The following CAPNS1 variants were observed in gnomAD, a reference collection of about 807,000 sequenced individuals.
The protein encoded by CAPNS1 is CANP small subunit.
CAPNS1 carries 32 observed loss-of-function variants against 39.2 expected under a neutral mutation model. The ratio of observed to expected loss-of-function variants is 0.82; its 90% CI spans 0.62 to 1.10. The LOEUF (loss-of-function observed/expected upper bound fraction) is 1.10, where lower values mean the gene tolerates loss of function less well. CAPNS1 is among the 50% of genes least tolerant of loss of function. The pLI is 0.00. For missense variants in CAPNS1, 353 were observed against 373.1 expected, an observed-to-expected ratio of 0.95 and a Z score of 0.44; for synonymous variants, 153 against 136.2, an observed-to-expected ratio of 1.12 and a Z score of -0.86.
chr19:36,142,057 G>A (rs1471010417), intron 2 of CAPNS1, among the ~76,000 whole-genome samples: 2 of 152,128 alleles, frequency 1.3e-5, no homozygotes, highest in Admixed American at 6.5e-5. Context: ...CAGGAGGGGA[G>A]CCTCCCAGGG....
chr19:36,143,903 C>T (rs1974470295), intron 6 of CAPNS1, among the ~76,000 whole-genome samples: 2 of 148,012 alleles, frequency 1.4e-5, no homozygotes, highest in South Asian at 2.1e-4. Context: ...AGGCCGGGCG[C>T]CGTGGCTCAC....
At position 36,142,619 on chromosome 19, in the gene CAPNS1, C is replaced by T. The variant is rs767808433; in HGVS notation, c.244-33C>T. On this transcript the variant is annotated intron_variant, in intron 3 of 10. Transcript: ENST00000246533. ...GGGGAGCCGTCCTGGCCGGGTTCCC[C>T]TCCCCCTGCTCTGAGCTCTCCTCCC... 5.0e-6 allele frequency: 8 copies of T among 1,594,890 alleles called. No individual in the cohort carries two copies. In the East Asian group the frequency reaches 1.8e-4, roughly 36 times the overall value.
At position 36,142,350 on chromosome 19, in the gene CAPNS1, AC is replaced by A; in HGVS notation, c.243+19del. Reference sequence around the variant, plus strand: ...GAGCCCCCGGTAAGCCCCCTCTGCAACCAGACCCCCTTCTCCTGCCAAGGCC... The same window carrying A: ...GAGCCCCCGGTAAGCCCCCTCTGCAACAGACCCCCTTCTCCTGCCAAGGCC... On this transcript the variant is annotated intron_variant, in intron 3 of 10. Coordinates refer to ENST00000246533, the MANE Select transcript of CAPNS1 (RefSeq NM_001749.4). 1.4e-6 allele frequency: 2 copies of A among 1,432,696 alleles called. No individual in the cohort carries two copies. Among genetic ancestry groups the A allele is most frequent in the Non-Finnish European group, 1.9e-6 (2 of 1,046,560 alleles). 88.7% of individuals were successfully genotyped at this position (1,432,696 alleles called of 1,614,324 possible).
At chr19:36,140,885 C>T (rs1974331930) in intron 1 of CAPNS1, 112 bp from the exon 2 acceptor site, 1 of 1,528,914 alleles carries the variant, frequency 6.5e-7, no homozygotes, top group Non-Finnish European at 8.8e-7. Context: ...AACTCAGACC[C>T]CCACCCGGAG....
chr19:36,149,943 C>A lies in CAPNS1; in HGVS notation c.*104C>A. ...TGTCTGCAGTCACATCTTTGTGGGG[C>A]CTGCTGACCCACAAGCTTTTGTTCT... On this transcript the variant is annotated 3_prime_UTR_variant, in exon 11 of 11. Transcript: ENST00000246533. 9.2e-7 allele frequency: 1 copy of A among 1,082,464 alleles called. No individual in the cohort carries two copies. The highest frequency in any genetic ancestry group is 1.2e-6 in the Non-Finnish European group (1 of 803,224). 67.1% of individuals were successfully genotyped at this position (1,082,464 alleles called of 1,614,324 possible).
At chr19:36,149,455 A>G in intron 9 of CAPNS1, 123 bp from the exon 10 acceptor site, 1 of 899,690 alleles carries the variant, frequency 1.1e-6, no homozygotes, top group Non-Finnish European at 1.6e-6. Context: ...CTTGGCACAC[A>G]GTAAATACTC....
At chr19:36,142,428 T>TC in intron 3 of CAPNS1, 95 bp downstream of exon 3, 1 of 717,838 alleles carries the variant, frequency 1.4e-6, no homozygotes, top group East Asian at 2.5e-5. Flanking sequence ...TTCCTCCCCT[T>TC]CTTGTGAAAT....
At chr19:36,140,300 C>G (rs1255660119) in intron 1 of CAPNS1, 143 bp downstream of exon 1, 1 of 152,392 alleles carries the variant, frequency 6.6e-6, no homozygotes, top group Non-Finnish European at 1.5e-5. Flanking sequence ...TGTTCGATCT[C>G]CTTTTATGCC....
chr19:36,144,032 C>A (rs563479039), intron 6 of CAPNS1: 1 of 150,104 alleles, frequency 6.7e-6, no homozygotes, highest in African/African-American at 2.4e-5. Flanking sequence ...AAAAATTAGC[C>A]GGGTGCAGTG....
chr19:36,149,975 A>G lies in CAPNS1; in HGVS notation c.*136A>G. On this transcript the variant is annotated 3_prime_UTR_variant, in exon 11 of 11. Coordinates refer to ENST00000246533, the MANE Select transcript of CAPNS1 (RefSeq NM_001749.4). ...ACCCACAAGCTTTTGTTCTCTCAGT[A>G]CTTGTTACCCAGCTTCTCAACATCC... is the stretch of plus-strand genomic sequence containing the variant. 1.2e-6 allele frequency: 1 copy of G among 809,050 alleles called. No homozygotes were observed. Among genetic ancestry groups the G allele is most frequent in the Non-Finnish European group, 1.8e-6 (1 of 570,724 alleles). The allele number at this position is 809,050 out of a possible 1,614,324, so 50.1% of individuals were successfully genotyped here.
chr19:36,142,305 C>T lies in CAPNS1; in HGVS notation c.215C>T (p.Ala72Val), dbSNP rs1599876855. The T allele has an allele frequency of 6.3e-6, 10 of 1,591,842 alleles. No individual in the cohort carries two copies. Among genetic ancestry groups the T allele is most frequent in the African/African-American group, 4.1e-5 (3 of 73,744 alleles). ...LGGVISAISE[A>V]AAQYNPEPPP... ...TCCCCCTTATCTCTTCGCAGCGAGG[C>T]GGCTGCGCAGTACAACCCGGAGCCC... Residue 72 changes from alanine (A) to valine (V), a missense_variant, in exon 3 of 11, where the codon GCG (alanine) becomes GTG (valine). By Grantham distance (64) the Ala-to-Val change is moderately conservative (BLOSUM62 0). Coordinates refer to ENST00000246533, the MANE Select transcript of CAPNS1 (RefSeq NM_001749.4).
At chr19:36,143,928 C>T (rs1974471419) in intron 6 of CAPNS1, among the ~76,000 whole-genome samples, 1 of 150,466 alleles carries the variant, frequency 6.6e-6, no homozygotes, top group South Asian at 2.1e-4. Flanking sequence ...GTAATCCCAG[C>T]ACTTTGGGAG....
In CAPNS1 at chr19:36,146,064, G is replaced by A; in HGVS notation, c.604+10G>A. 6.2e-7 allele frequency: 1 copy of A among 1,613,598 alleles called. No individual in the cohort carries two copies. Among genetic ancestry groups the A allele is most frequent in the Non-Finnish European group, 8.5e-7 (1 of 1,179,562 alleles). On this transcript the variant is annotated intron_variant, in intron 8 of 10. Transcript: ENST00000246533. ...GCCTTTGAGGCAGCAGGTATGGCTG[G>A]CAGGGACATGCTGGGGCTGGGAGTG...
rs1974509281 is a variant in CAPNS1, at chr19:36,144,902, C to T, written c.457-904C>T. Among the ~76,000 whole-genome samples the T allele has an allele frequency of 3.3e-5, 5 of 152,206 alleles. No individual in the cohort carries two copies. In the South Asian group the frequency reaches 1.0e-3, roughly 31 times the overall value. On this transcript the variant is annotated intron_variant, in intron 6 of 10. Coordinates refer to ENST00000246533, the MANE Select transcript of CAPNS1 (RefSeq NM_001749.4). ...AAAAGGTTTAGCACAGTGTATAGCG[C>T]ATAGTATGTGGTCTGTACACATTAG...
chr19:36,143,044 T>C lies in CAPNS1; in HGVS notation c.392-20T>C. On this transcript the variant is annotated intron_variant, in intron 5 of 10. Transcript: ENST00000246533. ...GAGGATTTGACCTCTGGCCTCTGAC[T>C]TTCAACCTGTTACCCACAGACCCTG... 6.2e-7 allele frequency: 1 copy of C among 1,614,128 alleles called. No homozygotes were observed. Among genetic ancestry groups the C allele is most frequent in the Non-Finnish European group, 8.5e-7 (1 of 1,179,984 alleles).
chr19:36,144,438 C>A (rs1361674351), intron 6 of CAPNS1, among the ~76,000 whole-genome samples: 1 of 152,200 alleles, frequency 6.6e-6, no homozygotes, highest in South Asian at 2.1e-4. Context: ...TAAGAGCACA[C>A]CCACATACGT....
intron 9 of CAPNS1, among the ~76,000 whole-genome samples, chr19:36,147,109 G>A (rs886263681): frequency 6.6e-6 from 1 of 152,242 alleles, no homozygotes; most frequent in Non-Finnish European, 1.5e-5. Context: ...GCCTCCCAAA[G>A]CTTTGGTGTT....
intron 9 of CAPNS1, among the ~76,000 whole-genome samples, chr19:36,146,695 C>T (rs762657259): frequency 6.6e-6 from 1 of 152,046 alleles, no homozygotes; most frequent in Non-Finnish European, 1.5e-5. Context: ...TCAGGGAGGG[C>T]TCACTGGAGA....
chr19:36,144,872 C>T (rs1022718613), intron 6 of CAPNS1, among the ~76,000 whole-genome samples: 2 of 152,242 alleles, frequency 1.3e-5, no homozygotes, highest in African/African-American at 4.8e-5. Context: ...ATCGGAACTA[C>T]ATCCAAAAGG....
Sources: allele counts gnomAD v4.1 joint callset (sites outside exome capture counted in the v4.1 genomes callset), GRCh38; gene constraint gnomAD v4.1.1; transcripts MANE v1.5; gene names NCBI Gene and HGNC (gene_info 2026-07-23, HGNC 2026-07-21).